The following TMEM200C variants were observed in gnomAD, a reference collection of about 807,000 sequenced individuals.
The protein encoded by TMEM200C is transmembrane protein TTMA.
For missense variants in TMEM200C, 966 were observed against 699.9 expected (o/e 1.38, Z -4.29); for synonymous variants, 462 against 324.7 (o/e 1.42, Z -4.55).
chr18:5,886,911 C>A (rs2095165810), exon 3 of TMEM200C: 2 of 152,220 alleles, frequency 1.3e-5, no homozygotes, highest in Middle Eastern at 3.4e-3. Context: ...GCAGTTGATT[C>A]TATTTTAAAT....
exon 3 of TMEM200C, chr18:5,883,782 A>T (rs1042584663): frequency 6.6e-6 from 1 of 152,118 alleles, no homozygotes; most frequent in African/African-American, 2.4e-5. Flanking sequence ...AACACACTTG[A>T]TCCATGATGC....
chr18:5,890,719 G>C (rs904969356), exon 3 of TMEM200C: 8 of 508,066 alleles, frequency 1.6e-5, no homozygotes, highest in African/African-American at 1.4e-4. Flanking sequence ...CTGGCGGCGC[G>C]CGCCGCTACC....
exon 3 of TMEM200C, chr18:5,884,922 T>C (rs1318285153): frequency 6.6e-6 from 1 of 152,206 alleles, no homozygotes; most frequent in Non-Finnish European, 1.5e-5. Context: ...TTTCAATTAT[T>C]AAATATTATT....
At chr18:5,894,478 A>G (rs1022791139) in intron 2 of TMEM200C, among the ~76,000 whole-genome samples, 4 of 152,206 alleles carry the variant, frequency 2.6e-5, no homozygotes, top group Admixed American at 2.6e-4. Context: ...TTAGCAGTCA[A>G]GCTTGGCTGC....
At chr18:5,890,880 T>C (rs1289405596) in exon 3 of TMEM200C, 2 of 682,252 alleles carry the variant, frequency 2.9e-6, no homozygotes, top group East Asian at 2.9e-5. Flanking sequence ...GCTCGCGCCC[T>C]CCGCGTCCCC....
At chr18:5,890,410 C>T (rs2095168959) in exon 3 of TMEM200C, 8 of 1,576,728 alleles carry the variant, frequency 5.1e-6, no homozygotes, top group Non-Finnish European at 6.9e-6. Context: ...GCTACTGCGT[C>T]CAAGACCGAC....
chr18:5,891,214 A>T lies in TMEM200C; in HGVS notation c.850T>A (p.Trp284Arg). The T allele has an allele frequency of 2.5e-6, 3 of 1,189,330 alleles. No individual in the cohort carries two copies. The highest frequency in any genetic ancestry group is 3.3e-6 in the Non-Finnish European group (3 of 920,802). 73.7% of individuals were successfully genotyped at this position (1,189,330 alleles called of 1,614,324 possible). A position where few individuals can be genotyped will look rare whatever the true frequency, so the allele number is the denominator to read the frequency against. Residue 284 changes from tryptophan to arginine, a missense_variant, in exon 3 of 3, where the codon TGG (tryptophan) becomes AGG (arginine). Trp to Arg is a moderately radical substitution (Grantham distance 101, BLOSUM62 -3). Transcript: ENST00000581347. This position sits in a 1 kb window ranked among gnomAD's most constrained non-coding sequence, Gnocchi z 4.7. ...CTCGGCGCCGCGGGGTGAGGAGGCC[A>T]CGAGCCCTTGGCCAGCATCGCCGCC...
chr18:5,890,638 G>C, exon 3 of TMEM200C: 1 of 806,554 alleles, frequency 1.2e-6, no homozygotes, highest in Non-Finnish European at 1.7e-6. Flanking sequence ...CGGTAGTCCG[G>C]GAGCCCGCTG....
exon 3 of TMEM200C, chr18:5,890,392 T>C (rs1441415762): frequency 2.5e-6 from 4 of 1,582,352 alleles, no homozygotes; most frequent in Admixed American, 3.5e-5. Context: ...GAGTCTCGCG[T>C]TTGACCAGCT....
chr18:5,889,465 G>T (rs1293229064), exon 3 of TMEM200C: 2 of 152,122 alleles, frequency 1.3e-5, no homozygotes, highest in Non-Finnish European at 2.9e-5. Context: ...AAATATTAAT[G>T]CTATTTTCAA....
exon 3 of TMEM200C, chr18:5,882,869 T>C (rs904067275): frequency 1.3e-5 from 2 of 152,152 alleles, no homozygotes; most frequent in African/African-American, 4.8e-5. Flanking sequence ...TCAAGTCGTA[T>C]TTAGTGCTCC....
exon 3 of TMEM200C, chr18:5,890,310 G>A: frequency 6.2e-7 from 1 of 1,603,748 alleles, no homozygotes; most frequent in Non-Finnish European, 8.5e-7. Flanking sequence ...AGGTTGCTCG[G>A]CCGTGGGTGG....
In TMEM200C at chr18:5,891,162, G is replaced by C; in HGVS notation, c.902C>G (p.Ser301Cys). The change falls in exon 3 of 3, where the codon TCC becomes TGC. Residue 301 changes from serine (S) to cysteine (C), a missense_variant. Coordinates refer to ENST00000581347, the Ensembl canonical transcript of TMEM200C. The surrounding 1 kb of genome is among the most constrained non-coding windows in gnomAD (Gnocchi z 4.7). ...CGGGGAAGAGGCCAGGTCCGGCGGG[G>C]ACGCGGCGCCCCGAGGGCGGCCGCC... The C allele has an allele frequency of 1.8e-6, 1 of 566,288 alleles. No homozygotes were observed. Among genetic ancestry groups the C allele is most frequent in the Non-Finnish European group, 2.6e-6 (1 of 378,910 alleles). The allele number at this position is 566,288 out of a possible 1,614,324, so 35.1% of individuals were successfully genotyped here. A position where few individuals can be genotyped will look rare whatever the true frequency, so the allele number is the denominator to read the frequency against.
chr18:5,891,639 G>T lies in TMEM200C; in HGVS notation c.425C>A (p.Pro142Gln), dbSNP rs557850782. The T allele has an allele frequency of 6.2e-6, 10 of 1,613,574 alleles. No homozygotes were observed. Among genetic ancestry groups the T allele is most frequent in the African/African-American group, 1.3e-5 (1 of 74,904 alleles). ...GCCCACGGACGTGGAGGAGGAGGAC[G>T]GGGAGGCGGCTCGTGCTGGAGGCGT... Residue 142 changes from proline (P) to glutamine (Q), a missense_variant, in exon 3 of 3, where the codon CCG becomes CAG. Transcript: ENST00000581347. The surrounding 1 kb of genome is among the most constrained non-coding windows in gnomAD (Gnocchi z 4.7).
intron 1 of TMEM200C, 29 bp from the exon 1 acceptor site, chr18:5,895,551 A>T (rs1348861855): frequency 1.4e-5 from 2 of 145,266 alleles, no homozygotes; most frequent in Admixed American, 1.4e-4. Context: ...GGCTCGGCGG[A>T]GTCGGGGGGC....
rs774063322 is a variant in TMEM200C, at chr18:5,890,504, C to T, written c.1560G>A (p.Arg520=). 13 of 1,538,588 alleles carry T rather than the reference C, an allele frequency of 8.4e-6. No homozygotes were observed. In the Admixed American group the frequency reaches 1.9e-4, roughly 22 times the overall value. The change falls in exon 3 of 3, where the codon CGG becomes CGA. Residue 520 remains arginine (R), a synonymous_variant. Transcript: ENST00000581347. ...CATCCGACTGGGAGCTCCCGGAGTC[C>T]CGCCTGGTGGGGGGCGAGCCCTCCA... is the stretch of plus-strand genomic sequence containing the variant.
exon 3 of TMEM200C, chr18:5,890,455 A>G: frequency 2.5e-6 from 4 of 1,578,808 alleles, no homozygotes; most frequent in Non-Finnish European, 2.6e-6. Flanking sequence ...AGGGGTGTGT[A>G]GCCCTTATTG....
At chr18:5,895,631 T>A (rs969578081) in intron 1 of TMEM200C, among the ~76,000 whole-genome samples, 109 bp from the exon 1 acceptor site, 1 of 98,228 alleles carries the variant, frequency 1.0e-5, no homozygotes, top group African/African-American at 4.0e-5. Context: ...CCTTCCCCGC[T>A]CCCCCGCGTC....
exon 3 of TMEM200C, chr18:5,889,858 A>C (rs2095168274): frequency 5.5e-6 from 1 of 182,760 alleles, no homozygotes; most frequent in Non-Finnish European, 1.1e-5. Flanking sequence ...AGTCGGAGTA[A>C]AGTGCACAGT....
Sources: gnomAD v4.1 joint callset for allele counts (sites outside exome capture counted in the v4.1 genomes callset) on GRCh38, gnomAD v4.1.1 for gene constraint, Gnocchi (gnomAD v3.1) non-coding constraint, MANE v1.5 for transcripts, NCBI Gene and HGNC (gene_info 2026-07-23, HGNC 2026-07-21) for gene names.